The following SPEF2 variants were observed in gnomAD, a reference collection of about 807,000 sequenced individuals.
The protein encoded by SPEF2 is sperm flagella and cilia-associated protein 2.
In SPEF2, 187 loss-of-function variants were observed where a neutral mutation model predicts 224.6. The observed-to-expected ratio is 0.83, with a 90% CI of 0.74 to 0.94. SPEF2 has a LOEUF of 0.94. SPEF2 is among the 40% of genes least tolerant of loss of function. The pLI is 0.00. For missense variants in SPEF2, 2,170 were observed against 2,135.6 expected, an observed-to-expected ratio of 1.02 and a Z score of -0.32; for synonymous variants, 715 against 707.3, an observed-to-expected ratio of 1.01 and a Z score of -0.17.
At chr5:35,654,843 A>C in intron 7 of SPEF2, 117 bp downstream of exon 7, 1 of 829,302 alleles carries the variant, frequency 1.2e-6, no homozygotes. Context: ...ATCAAATGTC[A>C]CTTTCACATC....
intron 1 of SPEF2, among the ~76,000 whole-genome samples, chr5:35,619,645 C>T (rs1025217821): frequency 8.5e-5 from 13 of 152,096 alleles, no homozygotes; most frequent in Admixed American, 6.6e-4. Context: ...CCACTGCACT[C>T]CAGTCTGGGC....
intron 20 of SPEF2, among the ~76,000 whole-genome samples, chr5:35,720,831 G>A (rs1743522489): frequency 6.6e-6 from 1 of 152,162 alleles, no homozygotes; most frequent in East Asian, 1.9e-4. Flanking sequence ...CACTTCAGGG[G>A]CCCTCTGAAG....
intron 4 of SPEF2, among the ~76,000 whole-genome samples, chr5:35,644,970 G>GTA (rs1747149710): frequency 6.6e-6 from 1 of 152,140 alleles, no homozygotes; most frequent in Non-Finnish European, 1.5e-5. Context: ...GAGATGTGAG[G>GTA]TAATTCTTTG....
chr5:35,710,529 C>T, intron 19 of SPEF2: 1 of 959,624 alleles, frequency 1.0e-6, no homozygotes, highest in Non-Finnish European at 1.2e-6. Context: ...TGCACTCTAG[C>T]CTGGGGGATA....
At chr5:35,781,466 C>T (rs887667406) in intron 30 of SPEF2, 5 of 152,240 alleles carry the variant, frequency 3.3e-5, no homozygotes, top group Middle Eastern at 3.4e-3. Context: ...AGACAAGAAG[C>T]GTGAGGATAG....
chr5:35,661,300 T>TA (rs1580166640), intron 8 of SPEF2, among the ~76,000 whole-genome samples: 19 of 117,598 alleles, frequency 1.6e-4, no homozygotes, highest in African/African-American at 4.5e-4. Flanking sequence ...ATATATATAT[T>TA]ATACACACAT....
At chr5:35,701,252 T>G (rs913342166) in intron 16 of SPEF2, among the ~76,000 whole-genome samples, 2 of 152,236 alleles carry the variant, frequency 1.3e-5, no homozygotes, top group Non-Finnish European at 2.9e-5. Context: ...TTTTCAACCT[T>G]GAAAAATATC....
At chr5:35,787,333 G>T (rs1476086062) in intron 30 of SPEF2, among the ~76,000 whole-genome samples, 1 of 151,876 alleles carries the variant, frequency 6.6e-6, no homozygotes, top group African/African-American at 2.4e-5. Context: ...AGGCAGGAGG[G>T]AAGGGATGTC....
intron 10 of SPEF2, among the ~76,000 whole-genome samples, chr5:35,688,756 T>A (rs1754016102): frequency 6.6e-6 from 1 of 152,238 alleles, no homozygotes; most frequent in Non-Finnish European, 1.5e-5. Context: ...ATTTTTCTTC[T>A]ATGAATCAGG....
chr5:35,751,890 T>C (rs933416157), intron 23 of SPEF2, among the ~76,000 whole-genome samples: 2 of 152,146 alleles, frequency 1.3e-5, no homozygotes, highest in Non-Finnish European at 2.9e-5. Flanking sequence ...GGTTAGGAGA[T>C]AATCAATGTA....
At position 35,644,594 on chromosome 5, in the gene SPEF2, T is replaced by C. The variant is rs929764558; in HGVS notation, c.585+69T>C. On this transcript the variant is annotated intron_variant, in intron 4 of 36. Coordinates refer to ENST00000356031, the MANE Select transcript of SPEF2 (RefSeq NM_024867.4). ...TACAGTTTGTGATTTATGCGTATAG[T>C]ACACATTGCATAAGTAGTAGTGGAG... The C allele has an allele frequency of 1.1e-5, 13 of 1,231,958 alleles. No individual in the cohort carries two copies. The Middle Eastern group carries it at 8.3e-4, about 79-fold the overall frequency. The allele number at this position is 1,231,958 out of a possible 1,614,324, so 76.3% of individuals were successfully genotyped here. A position where few individuals can be genotyped will look rare whatever the true frequency, so the allele number is the denominator to read the frequency against.
chr5:35,769,872 C>A (rs534680863), intron 26 of SPEF2, among the ~76,000 whole-genome samples: 58 of 152,162 alleles, frequency 3.8e-4, no homozygotes, highest in Admixed American at 2.9e-3. Context: ...CATCCCCTCA[C>A]CCCATTCTCC....
At chr5:35,685,158 G>C (rs1753406956) in intron 10 of SPEF2, among the ~76,000 whole-genome samples, 1 of 152,004 alleles carries the variant, frequency 6.6e-6, no homozygotes, top group Admixed American at 6.6e-5. Flanking sequence ...TAAATACAGG[G>C]TAGTATGTAT....
chr5:35,732,852 AAG>A (rs1389241817), intron 21 of SPEF2, among the ~76,000 whole-genome samples: 1 of 152,214 alleles, frequency 6.6e-6, no homozygotes, highest in Non-Finnish European at 1.5e-5. Context: ...GAGTAAGAGA[AAG>A]AAAGAGCCTA....
chr5:35,812,133 A>G (rs767157290), intron 36 of SPEF2, among the ~76,000 whole-genome samples: 167 of 152,080 alleles, frequency 1.1e-3, no homozygotes, highest in Non-Finnish European at 1.8e-3. Context: ...TTTTGCACCA[A>G]CCTACTTCTA....
chr5:35,627,158 T>C (rs1744376365), intron 1 of SPEF2, among the ~76,000 whole-genome samples: 1 of 151,934 alleles, frequency 6.6e-6, no homozygotes, highest in Non-Finnish European at 1.5e-5. Context: ...ATTTGAGAGA[T>C]GATAGCTTTG....
intron 4 of SPEF2, chr5:35,646,412 A>C: frequency 3.6e-6 from 1 of 277,886 alleles, no homozygotes; most frequent in Non-Finnish European, 6.7e-6. Context: ...GTATCAGCAC[A>C]CAGAATTAAA....
At chr5:35,699,629 A>G (rs1219476386) in intron 15 of SPEF2, 1 of 152,222 alleles carries the variant, frequency 6.6e-6, no homozygotes, top group Non-Finnish European at 1.5e-5. Context: ...CAGTACAAGT[A>G]TCCAGTACTT....
chr5:35,652,401 C>A (rs1284983323), intron 6 of SPEF2, among the ~76,000 whole-genome samples: 1 of 152,040 alleles, frequency 6.6e-6, no homozygotes, highest in African/African-American at 2.4e-5. Flanking sequence ...GATGAAAGAT[C>A]TAAAAGTGTT....
Sources: gnomAD v4.1 joint callset for allele counts (sites outside exome capture counted in the v4.1 genomes callset) on GRCh38, gnomAD v4.1.1 for gene constraint, MANE v1.5 for transcripts, NCBI Gene and HGNC (gene_info 2026-07-23, HGNC 2026-07-21) for gene names.